The following PRR23C variants were observed in gnomAD, a reference collection of about 807,000 sequenced individuals.
The protein encoded by PRR23C is proline-rich protein 23C.
Under a neutral mutation model 0.1 loss-of-function variants are expected in PRR23C, and 1 was observed. The ratio of observed to expected loss-of-function variants is 6.80; its 90% CI spans 2.41 to 32.24. The LOEUF (loss-of-function observed/expected upper bound fraction) is 32.24. PRR23C is among the 30% of genes most tolerant of loss of function. PRR23C has a pLI of 0.11. For synonymous variants in PRR23C, 172 were observed against 168.1 expected (o/e 1.02, Z -0.18); for missense variants, 361 against 370.4 (o/e 0.97, Z 0.21).
In PRR23C at chr3:139,044,795, TG is replaced by T; in HGVS notation, c.-176del. 1 of 456,860 alleles carries T rather than the reference TG, an allele frequency of 2.2e-6. No homozygotes were observed. Among genetic ancestry groups the T allele is most frequent in the Non-Finnish European group, 3.7e-6 (1 of 266,756 alleles). 28.3% of individuals were successfully genotyped at this position (456,860 alleles called of 1,614,324 possible). On this transcript the variant is annotated 5_prime_UTR_variant, in exon 1 of 1. Coordinates refer to ENST00000413199, the MANE Select transcript of PRR23C (RefSeq NM_001134657.1). This position sits in a 1 kb window ranked among gnomAD's most constrained non-coding sequence, Gnocchi z 7.5. ...CGGAGATCGGAGTCGGTGCTGCTGC[TG>T]GGGGAACCTCGCACGCTGTGTGGCT...
rs1050255157 is a variant in PRR23C at position 139,043,701 on chromosome 3, C to T, written c.*131G>A. ...CTGATCCAGAATTCTGCAACGCAGC[C>T]TGTATCAAAAAAGCATCTATCCGTT... On this transcript the variant is annotated 3_prime_UTR_variant, in exon 1 of 1. Coordinates refer to ENST00000413199, the MANE Select transcript of PRR23C (RefSeq NM_001134657.1). 3.1e-5 allele frequency: 26 copies of T among 828,502 alleles called. No homozygotes were observed. Among genetic ancestry groups the T allele is most frequent in the Non-Finnish European group, 4.7e-5 (26 of 553,726 alleles). 51.3% of individuals were successfully genotyped at this position (828,502 alleles called of 1,614,324 possible).
Position 139,044,302 on chromosome 3 carries a change from A to G in PRR23C, c.319T>C (p.Ser107Pro). ...LIVIPEVLLS[S>P]VDECSGAQGD... ...TGCGCTCCTGAGCATTCGTCGACGGAGCTCAGGAGGACCTCGGGGATCACG... is the reference window on the plus strand; with the variant it reads ...TGCGCTCCTGAGCATTCGTCGACGGGGCTCAGGAGGACCTCGGGGATCACG... The change falls in exon 1 of 1, where the codon TCC becomes CCC. Residue 107 changes from serine (S) to proline (P), a missense_variant. Coordinates refer to ENST00000413199, the MANE Select transcript of PRR23C (RefSeq NM_001134657.1). The surrounding 1 kb of genome is among the most constrained non-coding windows in gnomAD (Gnocchi z 7.5). 2 of 1,610,632 alleles carry G rather than the reference A, an allele frequency of 1.2e-6. No homozygotes were observed. Among genetic ancestry groups the G allele is most frequent in the Non-Finnish European group, 1.7e-6 (2 of 1,178,568 alleles).
chr3:139,043,727 A>T lies in PRR23C; in HGVS notation c.*105T>A. The T allele has an allele frequency of 1.9e-6, 2 of 1,049,146 alleles. No individual in the cohort carries two copies. Among genetic ancestry groups the T allele is most frequent in the South Asian group, 1.8e-5 (1 of 56,640 alleles). The allele number at this position is 1,049,146 out of a possible 1,614,324, so 65.0% of individuals were successfully genotyped here. A position where few individuals can be genotyped will look rare whatever the true frequency, so the allele number is the denominator to read the frequency against. On this transcript the variant is annotated 3_prime_UTR_variant, in exon 1 of 1. Coordinates refer to ENST00000413199, the MANE Select transcript of PRR23C (RefSeq NM_001134657.1). ...TGTATCAAAAAAGCATCTATCCGTT[A>T]TCCACTCTCCGAGATCCTTGTAGGT...
At position 139,044,003 on chromosome 3, in the gene PRR23C, T is replaced by G. The variant is rs1172857557; in HGVS notation, c.618A>C (p.Ser206=). 4 of 1,612,932 alleles carry G rather than the reference T, an allele frequency of 2.5e-6. No homozygotes were observed. In the South Asian group the frequency reaches 3.3e-5, roughly 13 times the overall value. Residue 206 remains serine (S), a synonymous_variant, in exon 1 of 1, where the codon TCA becomes TCC. Transcript: ENST00000413199. The surrounding 1 kb of genome is among the most constrained non-coding windows in gnomAD (Gnocchi z 7.5). Reference sequence around the variant, plus strand: ...AGATGGGGCGTGGAGAGCGTCTCTCTGAACTGGGGTTGGGGGCCAGAGCAC... The same window carrying G: ...AGATGGGGCGTGGAGAGCGTCTCTCGGAACTGGGGTTGGGGGCCAGAGCAC... The part of the protein sequence containing the change: ...GPCALAPNPS[S]ERRSPRPIFD...
the PRR23C span, chr3:139,044,004 G>T: frequency 1.2e-6 from 2 of 1,613,044 alleles, no homozygotes; most frequent in Non-Finnish European, 1.7e-6. This position sits in a 1 kb window ranked among gnomAD's most constrained non-coding sequence, Gnocchi z 7.5. Flanking sequence ...GCGTCTCTCT[G>T]AACTGGGGTT....
chr3:139,043,781 G>C lies in PRR23C; in HGVS notation c.*51C>G, dbSNP rs1433453553. 6 of 1,452,552 alleles carry C rather than the reference G, an allele frequency of 4.1e-6. No homozygotes were observed. Among genetic ancestry groups the C allele is most frequent in the East Asian group, 2.5e-5 (1 of 40,416 alleles). 90.0% of individuals were successfully genotyped at this position (1,452,552 alleles called of 1,614,324 possible). A position where few individuals can be genotyped will look rare whatever the true frequency, so the allele number is the denominator to read the frequency against. ...GCAACATACACACAACGGCTATCAG[G>C]AGACGGTCTCCTGGAGCCCAGCAGG... is the stretch of plus-strand genomic sequence containing the variant. On this transcript the variant is annotated 3_prime_UTR_variant, in exon 1 of 1. Transcript: ENST00000413199.
chr3:139,044,126 CTCCGGGAACTCAGAG>C lies in PRR23C; in HGVS notation c.480_494del (p.Asp160_Pro164del). The C allele has an allele frequency of 6.2e-7, 1 of 1,612,920 alleles. No individual in the cohort carries two copies. Among genetic ancestry groups the C allele is most frequent in the Non-Finnish European group, 8.5e-7 (1 of 1,179,430 alleles). The stretch of plus-strand genomic sequence containing the variant: ...AGCCGGCTGCGGAGTCCATCCAGAG[CTCCGGGAACTCAGAG>C]TCCGCGTCCTCCTCGTAGGCCTCTT... On this transcript the variant is annotated inframe_deletion, in exon 1 of 1. Coordinates refer to ENST00000413199, the MANE Select transcript of PRR23C (RefSeq NM_001134657.1). This position sits in a 1 kb window ranked among gnomAD's most constrained non-coding sequence, Gnocchi z 7.5.
rs1937185639 is a variant in PRR23C at position 139,044,778 on chromosome 3, G to C, written c.-158C>G. 5.8e-6 allele frequency: 4 copies of C among 691,112 alleles called. No individual in the cohort carries two copies. The highest frequency in any genetic ancestry group is 2.3e-5 in the South Asian group (1 of 43,176). The allele number at this position is 691,112 out of a possible 1,614,324, so 42.8% of individuals were successfully genotyped here. On this transcript the variant is annotated 5_prime_UTR_variant, in exon 1 of 1. Transcript: ENST00000413199. The surrounding 1 kb of genome is among the most constrained non-coding windows in gnomAD (Gnocchi z 7.5). ...GCTCTGGGGGCGCCTCCCGGAGATC[G>C]GAGTCGGTGCTGCTGCTGGGGGAAC...
At position 139,042,612 on chromosome 3, in the gene PRR23C, G is replaced by C. The variant is rs1331661049; in HGVS notation, c.*1220C>G. 1 of 152,130 alleles carries C rather than the reference G, an allele frequency of 6.6e-6. No homozygotes were observed. The highest frequency in any genetic ancestry group is 1.5e-5 in the Non-Finnish European group (1 of 68,016). 9.4% of individuals were successfully genotyped at this position (152,130 alleles called of 1,614,324 possible). A position where few individuals can be genotyped will look rare whatever the true frequency, so the allele number is the denominator to read the frequency against. On this transcript the variant is annotated 3_prime_UTR_variant, in exon 1 of 1. Coordinates refer to ENST00000413199, the MANE Select transcript of PRR23C (RefSeq NM_001134657.1). The stretch of plus-strand genomic sequence containing the variant: ...AATATAAAAGATTAAAGAAAAATAA[G>C]ATGTATGAAGCTTGTCAAAAAAGAC...
rs1028687113 is a variant in PRR23C, at chr3:139,043,613, C to A, written c.*219G>T. On this transcript the variant is annotated 3_prime_UTR_variant, in exon 1 of 1. Transcript: ENST00000413199. Reference sequence around the variant, plus strand: ...CACAGTCTGAAAGTAGACTGTATTTCAACTAGCGTATTTTTATGCTGAGGA... The same window carrying A: ...CACAGTCTGAAAGTAGACTGTATTTAAACTAGCGTATTTTTATGCTGAGGA... 9.5e-5 allele frequency: 47 copies of A among 495,428 alleles called. No homozygotes were observed. Among genetic ancestry groups the A allele is most frequent in the Non-Finnish European group, 1.4e-5 (4 of 285,616 alleles). 30.7% of individuals were successfully genotyped at this position (495,428 alleles called of 1,614,324 possible). A position where few individuals can be genotyped will look rare whatever the true frequency, so the allele number is the denominator to read the frequency against.
the PRR23C span, chr3:139,044,584 C>CA: frequency 6.5e-7 from 1 of 1,536,504 alleles, no homozygotes; most frequent in Non-Finnish European, 8.7e-7. This position sits in a 1 kb window ranked among gnomAD's most constrained non-coding sequence, Gnocchi z 7.5. Context: ...CACCAGGGCG[C>CA]AAGGCAGGCG....
Position 139,044,000 on chromosome 3 carries a change from C to T in PRR23C, c.621G>A (p.Glu207=), listed in dbSNP as rs1937170806. ...CGAAGATGGGGCGTGGAGAGCGTCTCTCTGAACTGGGGTTGGGGGCCAGAG... is the reference window on the plus strand; with the variant it reads ...CGAAGATGGGGCGTGGAGAGCGTCTTTCTGAACTGGGGTTGGGGGCCAGAG... ...PCALAPNPSS[E]RRSPRPIFDL... is the part of the protein sequence containing the mutation. Residue 207 remains glutamate, a synonymous_variant, in exon 1 of 1, where the codon GAG becomes GAA. Coordinates refer to ENST00000413199, the MANE Select transcript of PRR23C (RefSeq NM_001134657.1). 21 of 1,612,726 alleles carry T rather than the reference C, an allele frequency of 1.3e-5. No individual in the cohort carries two copies. Among genetic ancestry groups the T allele is most frequent in the Admixed American group, 1.7e-5 (1 of 59,838 alleles).
Position 139,043,941 on chromosome 3 carries a change from C to T in PRR23C, c.680G>A (p.Ser227Asn). ...GGGAGGTAGAGGTTGGAGAGGTGAG[C>T]TGGGGACAGGCTCCAGAAGATGGAA... ...LEFHLLEPVP[S>N]SPLQPLPPSP... Residue 227 changes from serine to asparagine, a missense_variant, in exon 1 of 1, where the codon AGC (serine) becomes AAC (asparagine). Transcript: ENST00000413199. The T allele has an allele frequency of 6.2e-7, 1 of 1,605,596 alleles. No homozygotes were observed. The highest frequency in any genetic ancestry group is 8.5e-7 in the Non-Finnish European group (1 of 1,175,998).
chr3:139,043,282 G>A lies in PRR23C; in HGVS notation c.*550C>T, dbSNP rs1237333985. 6.6e-6 allele frequency: 1 copy of A among 152,500 alleles called. No homozygotes were observed. Among genetic ancestry groups the A allele is most frequent in the African/African-American group, 2.4e-5 (1 of 41,436 alleles). 9.4% of individuals were successfully genotyped at this position (152,500 alleles called of 1,614,324 possible). ...CATTATTCCCAGTTCGGTCTGTTTT[G>A]CAAACAACAAACATTTGTCCAGGTA... On this transcript the variant is annotated 3_prime_UTR_variant, in exon 1 of 1. Coordinates refer to ENST00000413199, the MANE Select transcript of PRR23C (RefSeq NM_001134657.1).
rs761790187 is a variant in PRR23C at position 139,042,689 on chromosome 3, A to G, written c.*1143T>C. On this transcript the variant is annotated 3_prime_UTR_variant, in exon 1 of 1. Transcript: ENST00000413199. ...TTTTTATCAATCAATCAATCAATCAATTGAGAATCTACACATACACCATTA... is the reference window on the plus strand; with the variant it reads ...TTTTTATCAATCAATCAATCAATCAGTTGAGAATCTACACATACACCATTA... The G allele has an allele frequency of 2.0e-5, 3 of 149,696 alleles. No individual in the cohort carries two copies. The highest frequency in any genetic ancestry group is 7.4e-5 in the African/African-American group (3 of 40,276). 9.3% of individuals were successfully genotyped at this position (149,696 alleles called of 1,614,324 possible). A position where few individuals can be genotyped will look rare whatever the true frequency, so the allele number is the denominator to read the frequency against.
Position 139,044,826 on chromosome 3 carries a change from C to T in PRR23C, c.-206G>A, listed in dbSNP as rs1559943745. ...AACCTCGCACGCTGTGTGGCTCAGCCTCGCGCGATGGAAACTTGGGCCTTC... is the reference window on the plus strand; with the variant it reads ...AACCTCGCACGCTGTGTGGCTCAGCTTCGCGCGATGGAAACTTGGGCCTTC... On this transcript the variant is annotated 5_prime_UTR_variant, in exon 1 of 1. Coordinates refer to ENST00000413199, the MANE Select transcript of PRR23C (RefSeq NM_001134657.1). This position sits in a 1 kb window ranked among gnomAD's most constrained non-coding sequence, Gnocchi z 7.5. 1.7e-6 allele frequency: 1 copy of T among 574,890 alleles called. No individual in the cohort carries two copies. 35.6% of individuals were successfully genotyped at this position (574,890 alleles called of 1,614,324 possible).
Position 139,044,626 on chromosome 3 carries a change from C to CGACGGCGCTGCG in PRR23C, c.-18_-7dup. 6.7e-7 allele frequency: 1 copy of CGACGGCGCTGCG among 1,494,536 alleles called. No individual in the cohort carries two copies. The highest frequency in any genetic ancestry group is 2.4e-4 in the Middle Eastern group (1 of 4,224). 92.6% of individuals were successfully genotyped at this position (1,494,536 alleles called of 1,614,324 possible). A position where few individuals can be genotyped will look rare whatever the true frequency, so the allele number is the denominator to read the frequency against. ...CTGCAGGGCCGGCTGCCCATCACCT[C>CGACGGCGCTGCG]GACGGCGCTGCGGACGGCGCTCCTG... is the stretch of plus-strand genomic sequence containing the variant. On this transcript the variant is annotated 5_prime_UTR_variant, in exon 1 of 1. Transcript: ENST00000413199. The surrounding 1 kb of genome is among the most constrained non-coding windows in gnomAD (Gnocchi z 7.5).
chr3:139,044,522 C>A lies in PRR23C; in HGVS notation c.99G>T (p.Glu33Asp), dbSNP rs201245162. 781 of 1,544,672 alleles carry A rather than the reference C, an allele frequency of 5.1e-4. 1 individual carries two copies. Among genetic ancestry groups the A allele is most frequent in the Non-Finnish European group, 6.3e-4 (718 of 1,145,726 alleles). Residue 33 changes from glutamate (E) to aspartate (D), a missense_variant, in exon 1 of 1, where the codon GAG becomes GAT. By Grantham distance (45) the Glu-to-Asp change is conservative (BLOSUM62 2). Transcript: ENST00000413199. The surrounding 1 kb of genome is among the most constrained non-coding windows in gnomAD (Gnocchi z 7.5). ...PGPAKRSRLE[E>D]PAGPESRAAP... ...CCGCTCGGGATTCGGGGCCCGCGGG[C>A]TCCTCCAATCGGCTGCGCTTGGCAG...
chr3:139,044,356 G>T lies in PRR23C; in HGVS notation c.265C>A (p.Arg89=), dbSNP rs780369401. The T allele has an allele frequency of 1.2e-6, 2 of 1,603,854 alleles. No homozygotes were observed. Among genetic ancestry groups the T allele is most frequent in the South Asian group, 1.1e-5 (1 of 89,022 alleles). Residue 89 remains arginine, a synonymous_variant, in exon 1 of 1, where the codon CGA becomes AGA. Transcript: ENST00000413199. This position sits in a 1 kb window ranked among gnomAD's most constrained non-coding sequence, Gnocchi z 7.5. ...AGGGTGTGTCCACCAAGAGACACTC[G>T]CAGGACCGACATTGGCGCGAGCTCC... is the stretch of plus-strand genomic sequence containing the variant. The part of the protein sequence containing the change: ...VLELAPMSVL[R]VSLGGHTLIV...
Sources: gnomAD v4.1 joint callset for allele counts on GRCh38, gnomAD v4.1.1 for gene constraint, Gnocchi (gnomAD v3.1) non-coding constraint, MANE v1.5 for transcripts, NCBI Gene and HGNC (gene_info 2026-07-23, HGNC 2026-07-21) for gene names.